Variants in NRG3 observed in about 807,000 individuals in gnomAD.
NRG3 encodes the protein neuregulin 3, also known as pro-neuregulin-3, membrane-bound isoform.
NRG3 carries 31 observed loss-of-function variants against 66.9 expected under a neutral mutation model. The observed-to-expected ratio is 0.46, with a 90% confidence interval of 0.35 to 0.63. NRG3 has a LOEUF of 0.63. Among genes scored for constraint, NRG3 ranks in the 20% least tolerant of loss-of-function variants. NRG3 has a pLI of 0.00. For synonymous variants in NRG3, 393 were observed against 359.4 expected (o/e 1.09, Z -1.06); for missense variants, 910 against 878.9 (o/e 1.04, Z -0.45).
chr10:82,705,554 C>G (rs940205335), intron 2 of NRG3, among the ~76,000 whole-genome samples: 2 of 152,168 alleles, frequency 1.3e-5, no homozygotes, highest in Non-Finnish European at 2.9e-5. Context: ...GCTGCAGGGT[C>G]CACAAGTGTT....
At chr10:82,155,350 T>A (rs1006599097) in intron 1 of NRG3, among the ~76,000 whole-genome samples, 21 of 151,856 alleles carry the variant, frequency 1.4e-4, no homozygotes, top group Admixed American at 1.2e-3. Context: ...ATTTACCTTT[T>A]AAAAATAAGT....
intron 2 of NRG3, among the ~76,000 whole-genome samples, chr10:82,655,502 G>A (rs1021226040): frequency 2.6e-5 from 4 of 152,082 alleles, no homozygotes; most frequent in Non-Finnish European, 4.4e-5. Flanking sequence ...TCATCCAATT[G>A]ACAGTTGTTC....
At chr10:82,779,203 T>G (rs1259266797) in intron 3 of NRG3, among the ~76,000 whole-genome samples, 1 of 152,144 alleles carries the variant, frequency 6.6e-6, no homozygotes, top group Non-Finnish European at 1.5e-5. Flanking sequence ...GCTTAGAACC[T>G]GTGAACACTG....
At chr10:82,199,575 G>T (rs772050910) in intron 1 of NRG3, among the ~76,000 whole-genome samples, 3 of 152,134 alleles carry the variant, frequency 2.0e-5, no homozygotes, top group Admixed American at 6.5e-5. Flanking sequence ...TTCTTAAATA[G>T]AAATAGTTTT....
At chr10:82,971,515 C>G (rs1851735488) in intron 6 of NRG3, among the ~76,000 whole-genome samples, 1 of 150,152 alleles carries the variant, frequency 6.7e-6, no homozygotes, top group African/African-American at 2.5e-5. Flanking sequence ...CGGCTCACTG[C>G]AACCTCAATC....
At chr10:82,351,825 A>G (rs1589819034) in intron 1 of NRG3, among the ~76,000 whole-genome samples, 1 of 152,334 alleles carries the variant, frequency 6.6e-6, no homozygotes, top group African/African-American at 2.4e-5. Flanking sequence ...AAAAATGTAT[A>G]AGTATGCACT....
At chr10:82,214,061 G>C (rs909652073) in intron 1 of NRG3, among the ~76,000 whole-genome samples, 15 of 152,174 alleles carry the variant, frequency 9.9e-5, no homozygotes, top group African/African-American at 3.1e-4. Context: ...ATTGGAAAGG[G>C]AACATTCTGT....
rs753717155 is a variant in NRG3, at chr10:82,085,116, C to CT, written c.823+208954dup. On this transcript the variant is annotated intron_variant, in intron 1 of 8. Coordinates refer to ENST00000372141, the MANE Select transcript of NRG3 (RefSeq NM_001010848.4). ...AAAGGGGCCTCTAGTGGCCAAAACT[C>CT]TCAGCTCTGAACGTTGTTCCTTTGT... 1.4e-4 allele frequency among the ~76,000 whole-genome samples: 21 copies of CT among 152,270 alleles called. 1 individual carries two copies. In the East Asian group the frequency reaches 2.3e-3, roughly 17 times the overall value.
At chr10:82,446,667 G>C (rs1441932913) in intron 2 of NRG3, among the ~76,000 whole-genome samples, 2 of 152,138 alleles carry the variant, frequency 1.3e-5, no homozygotes, top group East Asian at 3.9e-4. Flanking sequence ...AAAGAACCAG[G>C]AAAAATAGCC....
chr10:82,326,466 T>C (rs1278337310), intron 1 of NRG3, among the ~76,000 whole-genome samples: 3 of 152,150 alleles, frequency 2.0e-5, no homozygotes, highest in African/African-American at 4.8e-5. Context: ...TTTTTTTAAT[T>C]GACTATTATA....
intron 1 of NRG3, among the ~76,000 whole-genome samples, chr10:82,253,830 A>G (rs568852963): frequency 7.2e-5 from 11 of 152,316 alleles, no homozygotes; most frequent in Admixed American, 1.3e-4. Flanking sequence ...AAACCTCACC[A>G]TTCTTGCATA....
At chr10:82,373,699 A>G (rs1425240484) in intron 2 of NRG3, among the ~76,000 whole-genome samples, 1 of 152,234 alleles carries the variant, frequency 6.6e-6, no homozygotes, top group Non-Finnish European at 1.5e-5. Context: ...TACTTTAAAT[A>G]AGGTCATAAT....
intron 2 of NRG3, among the ~76,000 whole-genome samples, chr10:82,631,538 A>G (rs945071277): frequency 6.6e-6 from 1 of 151,326 alleles, no homozygotes; most frequent in African/African-American, 2.4e-5. Context: ...AGTTTCCTTC[A>G]GCTTTTGTTT....
chr10:82,362,569 T>C (rs1309894675), intron 2 of NRG3, among the ~76,000 whole-genome samples: 2 of 148,102 alleles, frequency 1.4e-5, no homozygotes, highest in Non-Finnish European at 3.0e-5. Context: ...TTTTTTTTTT[T>C]CGTAGAAATG....
intron 3 of NRG3, among the ~76,000 whole-genome samples, chr10:82,844,226 C>T (rs1703172691): frequency 6.6e-6 from 1 of 152,262 alleles, no homozygotes; most frequent in South Asian, 2.1e-4. Flanking sequence ...GTTTCAAAAA[C>T]ATTTCCTTAA....
chr10:82,974,038 T>G, intron 7 of NRG3, 123 bp downstream of exon 7: 1 of 1,095,588 alleles, frequency 9.1e-7, no homozygotes, highest in South Asian at 1.5e-5. Flanking sequence ...CCTGTAGTTC[T>G]CTGTGGAGTA....
At chr10:82,853,777 G>A (rs924816256) in intron 3 of NRG3, among the ~76,000 whole-genome samples, 21 of 152,032 alleles carry the variant, frequency 1.4e-4, no homozygotes, top group Admixed American at 1.0e-3. Context: ...TGCTAATGTG[G>A]GTGCCCTTTA....
chr10:82,601,924 A>G (rs941428946), intron 2 of NRG3, among the ~76,000 whole-genome samples: 1 of 147,676 alleles, frequency 6.8e-6, no homozygotes, highest in Non-Finnish European at 1.5e-5. Flanking sequence ...ATAAAACTAT[A>G]TATATATAGT....
chr10:81,884,638 G>A (rs1474192616), intron 1 of NRG3, among the ~76,000 whole-genome samples: 1 of 152,120 alleles, frequency 6.6e-6, no homozygotes, highest in Non-Finnish European at 1.5e-5. Flanking sequence ...CTCTAGTGAT[G>A]ACTGAAACTA....
Sources: allele counts gnomAD v4.1 joint callset (sites outside exome capture counted in the v4.1 genomes callset), GRCh38; gene constraint gnomAD v4.1.1; transcripts MANE v1.5; gene names NCBI Gene and HGNC (gene_info 2026-07-23, HGNC 2026-07-21).